Variants in SDK1 observed in about 807,000 individuals in gnomAD.
The protein encoded by SDK1 is protein sidekick-1.
SDK1 carries 157 observed loss-of-function variants against 245.5 expected under a neutral mutation model. That is an observed-to-expected ratio of 0.64 (90% confidence interval 0.56 to 0.73). SDK1 has a LOEUF of 0.73. Ranked by LOEUF, SDK1 falls within the 30% of genes least tolerant of loss-of-function variation. The pLI is 0.00. For missense variants in SDK1, 3,583 were observed against 3,002.3 expected (o/e 1.19, Z -4.52); for synonymous variants, 1,647 against 1,278.5 (o/e 1.29, Z -6.15).
intron 1 of SDK1, among the ~76,000 whole-genome samples, chr7:3,617,357 T>G (rs1335520232): frequency 6.6e-6 from 1 of 152,218 alleles, no homozygotes; most frequent in African/African-American, 2.4e-5. Context: ...CAGTATCTGA[T>G]AACTATTGTA....
intron 4 of SDK1, among the ~76,000 whole-genome samples, chr7:3,649,484 C>G (rs1445314975): frequency 6.6e-6 from 1 of 151,878 alleles, no homozygotes; most frequent in African/African-American, 2.4e-5. Context: ...ATGACCTGCT[C>G]TAGAATTTCA....
chr7:3,368,307 G>A lies in SDK1; in HGVS notation c.298+66423G>A, dbSNP rs186814419. Among the ~76,000 whole-genome samples, 8 of 152,242 alleles carry A rather than the reference G, an allele frequency of 5.3e-5. No individual in the cohort carries two copies. In the East Asian group the frequency reaches 1.5e-3, roughly 29 times the overall value. On this transcript the variant is annotated intron_variant, in intron 1 of 44. Coordinates refer to ENST00000404826, the MANE Select transcript of SDK1 (RefSeq NM_152744.4). Reference sequence around the variant, plus strand: ...CAGAATCTGCTGGGTTCCTGCTATTGACATCAAAGTTACTTGTTCTCCCAT... The same window carrying A: ...CAGAATCTGCTGGGTTCCTGCTATTAACATCAAAGTTACTTGTTCTCCCAT...
intron 1 of SDK1, among the ~76,000 whole-genome samples, chr7:3,393,879 C>T (rs1214656197): frequency 4.6e-5 from 7 of 151,994 alleles, no homozygotes; most frequent in South Asian, 4.1e-4. Flanking sequence ...CGTGTTTTCC[C>T]GGATGGTCTT....
intron 11 of SDK1, among the ~76,000 whole-genome samples, chr7:3,970,625 T>G (rs1760700080): frequency 1.3e-5 from 2 of 152,240 alleles, no homozygotes; most frequent in East Asian, 3.8e-4. Flanking sequence ...CAGAAAATTT[T>G]GTGGATCTGC....
chr7:3,702,910 TA>T (rs60231533), intron 4 of SDK1, among the ~76,000 whole-genome samples: 8,382 of 152,094 alleles, frequency 0.055, 750 homozygotes, highest in African/African-American at 0.19. Flanking sequence ...TTAGAACAGC[TA>T]AAATAAAAAG....
chr7:3,363,783 G>A (rs1016436557), intron 1 of SDK1, among the ~76,000 whole-genome samples: 3 of 152,186 alleles, frequency 2.0e-5, no homozygotes, highest in Middle Eastern at 3.2e-3. Context: ...ATGCTCCTTC[G>A]TCCACTGCTC....
chr7:4,056,153 A>ATTT lies in SDK1; in HGVS notation c.2911+4337_2911+4339dup, dbSNP rs34368464. Among the ~76,000 whole-genome samples, 1,099 of 142,374 alleles carry ATTT rather than the reference A, an allele frequency of 7.7e-3. 15 individuals carry two copies. Among genetic ancestry groups the ATTT allele is most frequent in the African/African-American group, 0.026 (1,031 of 39,190 alleles). 93.4% of individuals were successfully genotyped at this position (142,374 alleles called of 152,430 possible). A position where few individuals can be genotyped will look rare whatever the true frequency, so the allele number is the denominator to read the frequency against. ...TCAGAGAAAACTGGAAATAATCTCA[A>ATTT]TTTTTTTTTTTTTTTTAGAATTTTC... On this transcript the variant is annotated intron_variant, in intron 19 of 44. Transcript: ENST00000404826.
chr7:4,169,299 C>T (rs1048980690), intron 32 of SDK1, among the ~76,000 whole-genome samples: 8 of 152,320 alleles, frequency 5.3e-5, no homozygotes, highest in Admixed American at 2.0e-4. Flanking sequence ...GGGAATGACC[C>T]GGCACTTGGG....
chr7:4,030,493 G>A (rs1054728994), intron 17 of SDK1, among the ~76,000 whole-genome samples: 1 of 152,186 alleles, frequency 6.6e-6, no homozygotes, highest in Non-Finnish European at 1.5e-5. Context: ...GCTTGGGTGA[G>A]GTGACAGGAC....
intron 22 of SDK1, among the ~76,000 whole-genome samples, chr7:4,084,747 ATATTTTATTT>A (rs200662101): frequency 0.053 from 7,972 of 149,560 alleles, 584 homozygotes; most frequent in African/African-American, 0.16. Context: ...ACTTAAATGT[ATATTTTATTT>A]TATTTTATTT....
In SDK1 at chr7:4,113,216, C is replaced by T. The variant is rs141742046; in HGVS notation, c.3435-73C>T. 1.1e-3 allele frequency: 1,648 copies of T among 1,500,332 alleles called. 14 individuals are homozygous for T. The African/African-American group carries it at 0.017, about 15-fold the overall frequency. 92.9% of individuals were successfully genotyped at this position (1,500,332 alleles called of 1,614,324 possible). A position where few individuals can be genotyped will look rare whatever the true frequency, so the allele number is the denominator to read the frequency against. On this transcript the variant is annotated intron_variant, in intron 23 of 44. Transcript: ENST00000404826. ...GAGCCCTCCCTTGAGAAACAGTCAG[C>T]GCCTTTGTGGTTTCGTTCTTTTCCT...
intron 5 of SDK1, among the ~76,000 whole-genome samples, chr7:3,863,653 C>T (rs1174038118): frequency 1.3e-5 from 2 of 152,180 alleles, no homozygotes; most frequent in East Asian, 1.9e-4. Flanking sequence ...AATGTTCCTA[C>T]TCTGTGAAGG....
chr7:3,629,379 C>T (rs1051883578), intron 2 of SDK1, among the ~76,000 whole-genome samples: 1 of 151,936 alleles, frequency 6.6e-6, no homozygotes, highest in Non-Finnish European at 1.5e-5. Flanking sequence ...CAGAGGGTCC[C>T]CCTTTAATAT....
intron 5 of SDK1, among the ~76,000 whole-genome samples, chr7:3,837,983 C>G (rs1027983886): frequency 6.6e-6 from 1 of 152,252 alleles, no homozygotes; most frequent in African/African-American, 2.4e-5. Context: ...ACTCCCAGGT[C>G]CCCTTGAGAG....
At chr7:3,775,701 C>T (rs1005007483) in intron 4 of SDK1, among the ~76,000 whole-genome samples, 9 of 152,012 alleles carry the variant, frequency 5.9e-5, no homozygotes, top group Non-Finnish European at 1.2e-4. Context: ...CTCAGCCTCC[C>T]GAGTAGCTGG....
intron 5 of SDK1, among the ~76,000 whole-genome samples, chr7:3,931,436 A>G (rs1159043128): frequency 6.6e-6 from 1 of 152,230 alleles, no homozygotes; most frequent in Non-Finnish European, 1.5e-5. Context: ...CTGAGGTTCA[A>G]AACCTTATGG....
intron 14 of SDK1, among the ~76,000 whole-genome samples, chr7:3,996,329 C>G (rs1399927481): frequency 1.3e-5 from 2 of 152,194 alleles, no homozygotes; most frequent in Admixed American, 6.5e-5. Flanking sequence ...TAAAACAACT[C>G]TCTTCAACTT....
rs1442093058 is a variant in SDK1, at chr7:3,673,535, C to T, written c.713+31430C>T. ...AAATAAAAGTACATACCATAGGCCC[C>T]GCCGGCCTGTTATTACATGAGTTTA... is the stretch of plus-strand genomic sequence containing the variant. On this transcript the variant is annotated intron_variant, in intron 4 of 44. Transcript: ENST00000404826. 2.0e-5 allele frequency among the ~76,000 whole-genome samples: 3 copies of T among 152,286 alleles called. No individual in the cohort carries two copies. The South Asian group carries it at 6.2e-4, about 32-fold the overall frequency.
At chr7:4,065,115 A>G (rs148989271) in intron 19 of SDK1, among the ~76,000 whole-genome samples, 1 of 152,208 alleles carries the variant, frequency 6.6e-6, no homozygotes, top group African/African-American at 2.4e-5. Context: ...GGCACTCTGA[A>G]CACCCTAACT....
Sources: gnomAD v4.1 joint callset for allele counts (sites outside exome capture counted in the v4.1 genomes callset) on GRCh38, gnomAD v4.1.1 for gene constraint, MANE v1.5 for transcripts, NCBI Gene and HGNC (gene_info 2026-07-23, HGNC 2026-07-21) for gene names.